Variants in ITPR2 observed in about 807,000 individuals in gnomAD.
ITPR2 encodes the protein inositol 1,4,5-trisphosphate-gated calcium channel ITPR2.
A neutral mutation model predicts 317.1 loss-of-function variants in ITPR2; 207 were observed. That is an observed-to-expected ratio of 0.65 (90% confidence interval 0.58 to 0.73). The LOEUF is 0.73. Ranked by LOEUF, ITPR2 falls within the 30% of genes least tolerant of loss-of-function variation. ITPR2 has a pLI of 0.00. For synonymous variants in ITPR2, 1,156 were observed against 1,149.1 expected (o/e 1.01, Z -0.12); for missense variants, 2,613 against 3,284.0 (o/e 0.80, Z 4.99).
chr12:26,350,866 C>A (rs1385518388), intron 55 of ITPR2, among the ~76,000 whole-genome samples: 2 of 152,214 alleles, frequency 1.3e-5, no homozygotes, highest in Admixed American at 6.5e-5. Flanking sequence ...TCCAGCCAAC[C>A]ATAAGCCTTA....
intron 2 of ITPR2, among the ~76,000 whole-genome samples, chr12:26,784,488 A>G (rs1240039077): frequency 3.4e-5 from 5 of 147,932 alleles, no homozygotes; most frequent in South Asian, 2.1e-4. Flanking sequence ...GTGCCTGCGC[A>G]CGCCGCCACG....
In ITPR2 at chr12:26,832,922, C is replaced by T; in HGVS notation, c.-141G>A. 1 of 660,018 alleles carries T rather than the reference C, an allele frequency of 1.5e-6. No homozygotes were observed. Among genetic ancestry groups the T allele is most frequent in the South Asian group, 1.7e-5 (1 of 59,178 alleles). The allele number at this position is 660,018 out of a possible 1,614,324, so 40.9% of individuals were successfully genotyped here. ...GCCGCGGCGGAGGGCACGGCCCGAG[C>T]CACTGAGCGTCGCGGCTCAGCCGTG... On this transcript the variant is annotated 5_prime_UTR_variant, in exon 1 of 57. Coordinates refer to ENST00000381340, the MANE Select transcript of ITPR2 (RefSeq NM_002223.4).
At chr12:26,821,369 G>C (rs550234233) in intron 1 of ITPR2, among the ~76,000 whole-genome samples, 6 of 152,246 alleles carry the variant, frequency 3.9e-5, no homozygotes, top group African/African-American at 1.4e-4. Flanking sequence ...TGATCCAAGG[G>C]GGCCAAATTC....
chr12:26,594,519 C>T (rs1335295693), intron 32 of ITPR2, among the ~76,000 whole-genome samples: 2 of 151,986 alleles, frequency 1.3e-5, no homozygotes, highest in Admixed American at 6.6e-5. Context: ...AATCTTTCTC[C>T]TCCAAATACA....
chr12:26,592,047 C>T (rs1028440666), intron 32 of ITPR2, among the ~76,000 whole-genome samples: 2 of 150,330 alleles, frequency 1.3e-5, no homozygotes, highest in African/African-American at 2.4e-5. Context: ...TACATATACA[C>T]AACAGAGTAC....
intron 45 of ITPR2, among the ~76,000 whole-genome samples, chr12:26,460,259 G>A (rs1941984430): frequency 6.6e-6 from 1 of 152,152 alleles, no homozygotes; most frequent in African/African-American, 2.4e-5. Context: ...CTTATTGTTT[G>A]GTCATTAGGG....
intron 55 of ITPR2, chr12:26,373,464 A>G (rs998042898): frequency 3.3e-5 from 5 of 152,008 alleles, no homozygotes; most frequent in African/African-American, 1.2e-4. Context: ...CAAATAAACC[A>G]CCTCTGAATT....
Position 26,780,176 on chromosome 12 carries a change from A to C in ITPR2, c.163+9981T>G, listed in dbSNP as rs145610617. Reference sequence around the variant, plus strand: ...CACTCGCCAAGGCTGACCTGGCTACAGCCACTGCTGAGTGCCCAACTTGAC... The same window carrying C: ...CACTCGCCAAGGCTGACCTGGCTACCGCCACTGCTGAGTGCCCAACTTGAC... On this transcript the variant is annotated intron_variant, in intron 2 of 56. Transcript: ENST00000381340. Among the ~76,000 whole-genome samples, 18 of 152,330 alleles carry C rather than the reference A, an allele frequency of 1.2e-4. No homozygotes were observed. In the East Asian group the frequency reaches 2.9e-3, roughly 25 times the overall value.
At chr12:26,632,215 G>C (rs2136835741) in intron 21 of ITPR2, among the ~76,000 whole-genome samples, 156 bp from the exon 22 acceptor site, 1 of 152,230 alleles carries the variant, frequency 6.6e-6, no homozygotes, top group South Asian at 2.1e-4. Context: ...TTTCTTTACA[G>C]ATAAAATTAA....
At chr12:26,389,521 A>G (rs769135827) in intron 54 of ITPR2, among the ~76,000 whole-genome samples, 4 of 147,688 alleles carry the variant, frequency 2.7e-5, no homozygotes, top group Non-Finnish European at 4.5e-5. Flanking sequence ...GGGCCTTTGG[A>G]CTTCAGGACC....
intron 7 of ITPR2, 109 bp downstream of exon 7, chr12:26,715,642 AG>A (rs35163907): frequency 0.033 from 25,805 of 786,684 alleles, 1,769 homozygotes; most frequent in African/African-American, 0.23. Context: ...TAACATGTGT[AG>A]TCACATTCTA....
chr12:26,728,400 C>A (rs1463538225), intron 2 of ITPR2, among the ~76,000 whole-genome samples: 1 of 152,152 alleles, frequency 6.6e-6, no homozygotes, highest in Non-Finnish European at 1.5e-5. Context: ...TTTCAAAAGC[C>A]CTTTCCATTT....
chr12:26,388,907 T>C (rs35481822), intron 54 of ITPR2, among the ~76,000 whole-genome samples: 11,355 of 152,252 alleles, frequency 0.075, 576 homozygotes, highest in Non-Finnish European at 0.11. Flanking sequence ...CCTCCCCTTT[T>C]ATTCGATGGC....
chr12:26,698,088 T>C (rs1948383995), intron 9 of ITPR2, among the ~76,000 whole-genome samples: 1 of 152,104 alleles, frequency 6.6e-6, no homozygotes, highest in African/African-American at 2.4e-5. Flanking sequence ...ACCAGAGCTC[T>C]CAAATGGAAG....
chr12:26,628,392 T>A (rs754827840), intron 22 of ITPR2, among the ~76,000 whole-genome samples: 2 of 152,212 alleles, frequency 1.3e-5, no homozygotes, highest in Non-Finnish European at 2.9e-5. Flanking sequence ...AACATTTGAC[T>A]CCCTATGACT....
chr12:26,725,160 C>T (rs1230916146), intron 3 of ITPR2, among the ~76,000 whole-genome samples: 18 of 152,160 alleles, frequency 1.2e-4, no homozygotes, highest in Admixed American at 5.2e-4. Context: ...CTAGAAAAAC[C>T]AACCAGGATA....
chr12:26,358,672 CA>C lies in ITPR2; in HGVS notation c.7858-18345del, dbSNP rs566822333. 6.2e-4 allele frequency among the ~76,000 whole-genome samples: 91 copies of C among 145,690 alleles called. No individual in the cohort carries two copies. The East Asian group carries it at 9.9e-3, about 16-fold the overall frequency. On this transcript the variant is annotated intron_variant, in intron 55 of 56. Transcript: ENST00000381340. ...TGATGATGTTGGGCACATCTCAGAACAAAAAAAAAAGGCACTGATATGTTTT... is the reference window on the plus strand; with the variant it reads ...TGATGATGTTGGGCACATCTCAGAACAAAAAAAAAGGCACTGATATGTTTT...
intron 21 of ITPR2, among the ~76,000 whole-genome samples, chr12:26,646,851 G>A (rs150054030): frequency 2.6e-4 from 39 of 152,128 alleles, no homozygotes; most frequent in African/African-American, 8.0e-4. Context: ...CAACAAAAAG[G>A]ATTATCTGGT....
intron 55 of ITPR2, among the ~76,000 whole-genome samples, chr12:26,354,340 T>C (rs549435323): frequency 6.6e-5 from 10 of 152,322 alleles, no homozygotes; most frequent in African/African-American, 2.4e-4. Flanking sequence ...ATTTTTAGGT[T>C]TGTCTCACAC....
Sources: allele counts gnomAD v4.1 joint callset (sites outside exome capture counted in the v4.1 genomes callset), GRCh38; gene constraint gnomAD v4.1.1; transcripts MANE v1.5; gene names NCBI Gene and HGNC (gene_info 2026-07-23, HGNC 2026-07-21).